The following LCMT1 variants were observed in gnomAD, a reference collection of about 807,000 sequenced individuals.
LCMT1 encodes [Phosphatase 2A protein]-leucine-carboxy methyltransferase 1.
A neutral mutation model predicts 47.7 loss-of-function variants in LCMT1; 32 were observed. The ratio of observed to expected loss-of-function variants is 0.67; its 90% CI spans 0.51 to 0.90. LCMT1 has a LOEUF of 0.90. Ranked by LOEUF, LCMT1 falls within the 40% of genes least tolerant of loss-of-function variation. LCMT1 has a pLI of 0.00. For synonymous variants in LCMT1, 152 were observed against 149.7 expected, an observed-to-expected ratio of 1.02 and a Z score of -0.11; for missense variants, 375 against 415.2, an observed-to-expected ratio of 0.90 and a Z score of 0.84.
At chr16:25,120,099 G>A in intron 1 of LCMT1, among the ~76,000 whole-genome samples, 1 of 151,698 alleles carries the variant, frequency 6.6e-6, no homozygotes, top group East Asian at 2.0e-4. Context: ...GGTGGAGGTT[G>A]CAGTGAGCCA....
intron 10 of LCMT1, among the ~76,000 whole-genome samples, chr16:25,177,709 G>A (rs184271182): frequency 2.6e-5 from 4 of 152,254 alleles, no homozygotes; most frequent in East Asian, 3.9e-4. Context: ...TGGAAGATCC[G>A]TATCTGCCTT....
chr16:25,148,536 T>G (rs1262556164), intron 4 of LCMT1, among the ~76,000 whole-genome samples: 2 of 152,116 alleles, frequency 1.3e-5, no homozygotes, highest in Admixed American at 6.5e-5. Flanking sequence ...GCCGTGTCAG[T>G]CCGTCCTGCA....
intron 4 of LCMT1, chr16:25,142,130 G>A (rs1249890600): frequency 6.6e-6 from 1 of 152,298 alleles, no homozygotes; most frequent in African/African-American, 2.4e-5. Flanking sequence ...CAGTCTGGGT[G>A]TCCACAAAGG....
At position 25,151,764 on chromosome 16, in the gene LCMT1, C is replaced by T. The variant is rs1263376412; in HGVS notation, c.466+149C>T. 1.2e-5 allele frequency: 7 copies of T among 578,874 alleles called. No homozygotes were observed. The Admixed American group carries it at 1.7e-4, about 14-fold the overall frequency. The allele number at this position is 578,874 out of a possible 1,614,324, so 35.9% of individuals were successfully genotyped here. On this transcript the variant is annotated intron_variant, in intron 5 of 10. Coordinates refer to ENST00000399069, the MANE Select transcript of LCMT1 (RefSeq NM_016309.3). ...TTGTCAACTGAAGAATGACGAGGTT[C>T]ATAAATTAGGAAAGGAGAGCTTGCT...
Position 25,129,379 on chromosome 16 carries a change from C to CA in LCMT1, c.205+821dup, listed in dbSNP as rs529682171. On this transcript the variant is annotated intron_variant, in intron 2 of 10. Coordinates refer to ENST00000399069, the MANE Select transcript of LCMT1 (RefSeq NM_016309.3). ...GAAATTTTATTAAATTTAATGAATT[C>CA]AAAAAAAAGTATTAATCTTCTTTAA... is the stretch of plus-strand genomic sequence containing the variant. Among the ~76,000 whole-genome samples, 46 of 151,300 alleles carry CA rather than the reference C, an allele frequency of 3.0e-4. 1 individual carries two copies. The South Asian group carries it at 4.6e-3, about 15-fold the overall frequency.
At chr16:25,169,379 C>A in intron 8 of LCMT1, 166 bp downstream of exon 8, 1 of 555,618 alleles carries the variant, frequency 1.8e-6, no homozygotes, top group East Asian at 2.9e-5. Flanking sequence ...CTGGGAAGAC[C>A]AAGTCCTGCT....
chr16:25,152,876 TGAG>T (rs1375446620), intron 5 of LCMT1, among the ~76,000 whole-genome samples: 2 of 152,232 alleles, frequency 1.3e-5, no homozygotes, highest in Non-Finnish European at 2.9e-5. Context: ...TTCTCATTTC[TGAG>T]CCTTTCAAAT....
At chr16:25,132,623 C>T (rs1204282037) in intron 3 of LCMT1, 100 bp downstream of exon 3, 18 of 1,327,032 alleles carry the variant, frequency 1.4e-5, no homozygotes, top group South Asian at 2.8e-5. Context: ...AGTTATGCAG[C>T]GAAAGCCTGT....
At chr16:25,120,870 T>A (rs1264136266) in intron 1 of LCMT1, among the ~76,000 whole-genome samples, 2 of 150,496 alleles carry the variant, frequency 1.3e-5, no homozygotes, top group African/African-American at 4.9e-5. Flanking sequence ...CACCTCAGTG[T>A]CCCGAGTAGC....
intron 8 of LCMT1, among the ~76,000 whole-genome samples, chr16:25,169,807 C>A (rs1404997182): frequency 6.6e-6 from 1 of 152,128 alleles, no homozygotes; most frequent in Non-Finnish European, 1.5e-5. Flanking sequence ...ATTGTCCACA[C>A]TTTGCAGATG....
chr16:25,160,051 C>T (rs557995028), intron 5 of LCMT1, among the ~76,000 whole-genome samples: 10 of 151,950 alleles, frequency 6.6e-5, no homozygotes, highest in Admixed American at 2.6e-4. Flanking sequence ...CTGCAACCTC[C>T]GCTTCCCAGG....
intron 5 of LCMT1, among the ~76,000 whole-genome samples, chr16:25,156,604 G>T (rs910838788): frequency 6.6e-6 from 1 of 152,256 alleles, no homozygotes; most frequent in African/African-American, 2.4e-5. Flanking sequence ...GGGAAGGCCA[G>T]TGTGGCTGGG....
chr16:25,118,753 G>C (rs1024938230), intron 1 of LCMT1, among the ~76,000 whole-genome samples: 2 of 152,122 alleles, frequency 1.3e-5, no homozygotes, highest in African/African-American at 2.4e-5. Context: ...GAGTAGAAAG[G>C]TCCTGAGGCA....
intron 3 of LCMT1, 25 bp from the exon 4 acceptor site, chr16:25,140,146 A>G: frequency 6.4e-7 from 1 of 1,553,408 alleles, no homozygotes; most frequent in African/African-American, 1.4e-5. Flanking sequence ...TAAAGAAATA[A>G]AAAGTATTGT....
chr16:25,161,359 C>CTTTTT (rs377602015), intron 6 of LCMT1, among the ~76,000 whole-genome samples, 155 bp downstream of exon 6: 1 of 141,920 alleles, frequency 7.0e-6, no homozygotes, highest in African/African-American at 2.6e-5. Context: ...GAAAAAAATT[C>CTTTTT]TTTTTTTTTT....
At chr16:25,132,124 A>G in intron 2 of LCMT1, 1 of 485,276 alleles carries the variant, frequency 2.1e-6, no homozygotes, top group East Asian at 4.6e-5. Flanking sequence ...GTTTCAATGT[A>G]AAACACTTAT....
chr16:25,177,109 G>A (rs1403409263), intron 10 of LCMT1, among the ~76,000 whole-genome samples: 3 of 147,912 alleles, frequency 2.0e-5, no homozygotes, highest in Non-Finnish European at 4.5e-5. Context: ...GAACCCGGGA[G>A]GCAGAAGTTG....
Position 25,175,037 on chromosome 16 carries a change from G to A in LCMT1, c.982+3G>A, listed in dbSNP as rs145153706. 8.5e-4 allele frequency: 1,336 copies of A among 1,572,254 alleles called. 2 individuals are homozygous for A. The highest frequency in any genetic ancestry group is 9.9e-4 in the Non-Finnish European group (1,131 of 1,143,904). On this transcript the variant is annotated splice_donor_region_variant and intron_variant, in intron 10 of 10. Coordinates refer to ENST00000399069, the MANE Select transcript of LCMT1 (RefSeq NM_016309.3). ...AACCAAAGGAGGAAATGAGCTTGGT[G>A]CGTGATTGTACTTTTCTTGCCTTGA...
At chr16:25,140,429 A>G (rs1960650428) in intron 4 of LCMT1, 182 bp downstream of exon 4, 1 of 594,444 alleles carries the variant, frequency 1.7e-6, no homozygotes. Flanking sequence ...GCAAAATGCA[A>G]TATACATTTC....
Sources: allele counts gnomAD v4.1 joint callset (sites outside exome capture counted in the v4.1 genomes callset), GRCh38; gene constraint gnomAD v4.1.1; transcripts MANE v1.5; gene names NCBI Gene and HGNC (gene_info 2026-07-23, HGNC 2026-07-21).